The following BDP1 variants were observed in gnomAD, a reference collection of about 807,000 sequenced individuals.
BDP1 encodes transcription factor TFIIIB component B'' homolog.
Under a neutral mutation model 266.6 loss-of-function variants are expected in BDP1, and 169 were observed. The ratio of observed to expected loss-of-function variants is 0.63; its 90% confidence interval spans 0.56 to 0.72. BDP1 has a LOEUF of 0.72. Among genes scored for constraint, BDP1 ranks in the 30% least tolerant of loss-of-function variants. The pLI, the probability that BDP1 is intolerant of heterozygous loss-of-function variation, is 0.00. For synonymous variants in BDP1, 1,090 were observed against 1,022.4 expected, an observed-to-expected ratio of 1.07 and a Z score of -1.26; for missense variants, 3,015 against 3,053.8, an observed-to-expected ratio of 0.99 and a Z score of 0.30.
rs529094429 is a variant in BDP1 at position 71,457,765 on chromosome 5, G to A, written c.213-814G>A. 6.5e-4 allele frequency among the ~76,000 whole-genome samples: 99 copies of A among 152,156 alleles called. 1 individual carries two copies. The highest frequency in any genetic ancestry group is 3.7e-3 in the Admixed American group (56 of 15,284). On this transcript the variant is annotated intron_variant, in intron 1 of 38. Transcript: ENST00000358731. ...ATTTAAATTGAAGTCTTCCTGGAAAGGTTATTCTATAAGTTAAGGCATTTT... is the reference window on the plus strand; with the variant it reads ...ATTTAAATTGAAGTCTTCCTGGAAAAGTTATTCTATAAGTTAAGGCATTTT...
chr5:71,571,051 A>G (rs533146250), downstream of BDP1, among the ~76,000 whole-genome samples: 1 of 152,388 alleles, frequency 6.6e-6, no homozygotes, highest in East Asian at 1.9e-4. Context: ...CTATTTATAT[A>G]GCATTCATAT....
chr5:71,489,605 C>G lies in BDP1; in HGVS notation c.1415C>G (p.Ala472Gly). ...KKRRRKKQDG[A>G]NELGVNNLLE... ...AGAAGGAGGAAGAAGCAAGATGGAG[C>G]TAATGAACTGGGAGTAAACAATCTT... The change falls in exon 10 of 39, where the codon GCT (alanine) becomes GGT (glycine). Residue 472 changes from alanine (A) to glycine (G), a missense_variant. This residue lies in a region of BDP1 where 2,383 missense variants were observed against 2,404.9 expected (regional missense o/e 0.99). Transcript: ENST00000358731. The G allele has an allele frequency of 6.2e-7, 1 of 1,614,044 alleles. No individual in the cohort carries two copies. The highest frequency in any genetic ancestry group is 2.2e-5 in the East Asian group (1 of 44,856).
At chr5:71,562,226 A>AATTTTT in intron 37 of BDP1, 48 bp from the exon 38 acceptor site, 1 of 981,792 alleles carries the variant, frequency 1.0e-6, no homozygotes, top group Non-Finnish European at 1.5e-6. Flanking sequence ...AAAAAAAAGA[A>AATTTTT]TGTGTCTTCC....
chr5:71,533,718 C>T (rs934765412), intron 26 of BDP1, among the ~76,000 whole-genome samples: 1 of 151,942 alleles, frequency 6.6e-6, no homozygotes, highest in Admixed American at 6.6e-5. Flanking sequence ...TTTACCTCAG[C>T]CTTCCAAAGT....
intron 7 of BDP1, among the ~76,000 whole-genome samples, chr5:71,470,904 TA>T (rs968139315): frequency 6.6e-6 from 1 of 151,634 alleles, no homozygotes; most frequent in Non-Finnish European, 1.5e-5. Flanking sequence ...TTTTTTTTTT[TA>T]AACTGTTATG....
In BDP1 at chr5:71,567,224, C is replaced by G. The variant is rs1744087043; in HGVS notation, c.*2339C>G. On this transcript the variant is annotated 3_prime_UTR_variant, in exon 39 of 39. Coordinates refer to ENST00000358731, the MANE Select transcript of BDP1 (RefSeq NM_018429.3). ...TGGGAGTTAGATTGCCATGATTAAA[C>G]TATTATTTATCCTTGTGTAATATTA... 6.6e-6 allele frequency: 1 copy of G among 152,094 alleles called. No individual in the cohort carries two copies. The highest frequency in any genetic ancestry group is 2.4e-5 in the African/African-American group (1 of 41,430). The allele number at this position is 152,094 out of a possible 1,614,324, so 9.4% of individuals were successfully genotyped here. A position where few individuals can be genotyped will look rare whatever the true frequency, so the allele number is the denominator to read the frequency against.
chr5:71,534,001 T>C (rs1318010094), intron 26 of BDP1, among the ~76,000 whole-genome samples: 1 of 152,248 alleles, frequency 6.6e-6, no homozygotes, highest in African/African-American at 2.4e-5. Context: ...AAAAGTTGCT[T>C]AGCAGGTATA....
At chr5:71,495,173 T>G in intron 11 of BDP1, 77 bp from the exon 12 acceptor site, 2 of 913,344 alleles carry the variant, frequency 2.2e-6, no homozygotes, top group Admixed American at 7.1e-5. Context: ...TTTTGTGTGT[T>G]TAACATTTTT....
At chr5:71,489,731 T>C in intron 10 of BDP1, 49 bp downstream of exon 10, 1 of 1,493,006 alleles carries the variant, frequency 6.7e-7, no homozygotes, top group Non-Finnish European at 9.0e-7. Flanking sequence ...TGAGAAGACA[T>C]GTACAGTAAT....
intron 7 of BDP1, among the ~76,000 whole-genome samples, chr5:71,472,602 T>G (rs1000349853): frequency 2.0e-5 from 3 of 152,220 alleles, no homozygotes; most frequent in African/African-American, 7.2e-5. Context: ...CTACATTTTC[T>G]TGAGGATTTT....
chr5:71,505,955 C>G (rs1764553292), intron 16 of BDP1, among the ~76,000 whole-genome samples: 1 of 152,190 alleles, frequency 6.6e-6, no homozygotes, highest in Non-Finnish European at 1.5e-5. Context: ...AAAAATTTCT[C>G]TATTTCTTGT....
chr5:71,457,414 C>T (rs183883845), intron 1 of BDP1, among the ~76,000 whole-genome samples: 2 of 149,818 alleles, frequency 1.3e-5, no homozygotes, highest in East Asian at 4.0e-4. Context: ...CTCCCGGGTT[C>T]TTGCAATTCT....
At position 71,551,664 on chromosome 5, in the gene BDP1, C is replaced by A. The variant is rs944573915; in HGVS notation, c.6996-1452C>A. 1.1e-4 allele frequency among the ~76,000 whole-genome samples: 16 copies of A among 152,140 alleles called. No homozygotes were observed. The South Asian group carries it at 2.7e-3, about 26-fold the overall frequency. Reference sequence around the variant, plus strand: ...GGGGTGGTGGCCGGGCAGAGGGGCTCTTCACTTCCCAGCAGGGGCGGCCGG... The same window carrying A: ...GGGGTGGTGGCCGGGCAGAGGGGCTATTCACTTCCCAGCAGGGGCGGCCGG... On this transcript the variant is annotated intron_variant, in intron 34 of 38. Transcript: ENST00000358731.
At chr5:71,549,299 T>C in intron 33 of BDP1, 121 bp from the exon 34 acceptor site, 1 of 819,858 alleles carries the variant, frequency 1.2e-6, no homozygotes, top group Non-Finnish European at 1.9e-6. Flanking sequence ...GGGGAGCATT[T>C]ATTTATTTAG....
chr5:71,521,034 C>T (rs1765465025), intron 22 of BDP1, among the ~76,000 whole-genome samples: 1 of 151,458 alleles, frequency 6.6e-6, no homozygotes, highest in South Asian at 2.1e-4. Flanking sequence ...ACTAAAAATA[C>T]AAAATTAGCC....
intron 12 of BDP1, 59 bp downstream of exon 12, chr5:71,495,467 A>G: frequency 1.0e-5 from 12 of 1,190,746 alleles, no homozygotes; most frequent in South Asian, 3.6e-5. Flanking sequence ...CTTAAATGAT[A>G]ATAATGTTGC....
At chr5:71,463,047 A>G (rs1452452017) in intron 3 of BDP1, among the ~76,000 whole-genome samples, 3 of 152,152 alleles carry the variant, frequency 2.0e-5, no homozygotes, top group Admixed American at 6.5e-5. Flanking sequence ...TGGGAGTTCA[A>G]GGCAGCAGTG....
intron 25 of BDP1, 149 bp downstream of exon 25, chr5:71,524,472 C>A: frequency 1.2e-6 from 1 of 857,732 alleles, no homozygotes. Context: ...TAATTTGGGG[C>A]CTTGTATAAC....
chr5:71,511,297 T>C, intron 17 of BDP1, 146 bp downstream of exon 17: 3 of 759,498 alleles, frequency 3.9e-6, no homozygotes, highest in Non-Finnish European at 6.3e-6. Context: ...GTTTCTATGT[T>C]TCAGTGCCTT....
Sources: allele counts gnomAD v4.1 joint callset (sites outside exome capture counted in the v4.1 genomes callset), GRCh38; gene constraint gnomAD v4.1.1; regional missense constraint gnomAD v4.1.1; transcripts MANE v1.5; gene names NCBI Gene and HGNC (gene_info 2026-07-23, HGNC 2026-07-21).